Variants in ASB4 observed in about 807,000 individuals in gnomAD.
The protein encoded by ASB4 is ankyrin repeat and SOCS box containing 4.
A neutral mutation model predicts 38.6 loss-of-function variants in ASB4; 35 were observed. The ratio of observed to expected loss-of-function variants is 0.91; its 90% CI spans 0.69 to 1.20. ASB4 has a LOEUF of 1.20. Among genes scored for constraint, ASB4 ranks in the 50% most tolerant of loss-of-function variants. ASB4 has a pLI of 0.00. For missense variants in ASB4, 557 were observed against 527.2 expected, an observed-to-expected ratio of 1.06 and a Z score of -0.55; for synonymous variants, 195 against 201.3, an observed-to-expected ratio of 0.97 and a Z score of 0.26.
At chr7:95,526,950 CT>C (rs1790745190) in intron 2 of ASB4, among the ~76,000 whole-genome samples, 1 of 152,160 alleles carries the variant, frequency 6.6e-6, no homozygotes, top group South Asian at 2.1e-4. Context: ...ACAAAATTCA[CT>C]TAAGTTTTCT....
intron 2 of ASB4, 22 bp downstream of exon 2, chr7:95,496,079 A>G: frequency 3.1e-6 from 5 of 1,599,310 alleles, no homozygotes; most frequent in Middle Eastern, 2.0e-4. Context: ...TGGGTGGCCA[A>G]CATTGTTGTC....
intron 1 of ASB4, among the ~76,000 whole-genome samples, chr7:95,492,498 C>T (rs1283629697): frequency 2.6e-5 from 4 of 152,122 alleles, no homozygotes; most frequent in Non-Finnish European, 5.9e-5. Flanking sequence ...TTGAGGCAGG[C>T]AACTCATGGC....
chr7:95,537,595 C>G lies in ASB4; in HGVS notation c.1117C>G (p.Leu373Val), dbSNP rs188981125. ...LEKYWDFYHSLFTVCCNSPRT... is the reference protein window; with the variant it reads ...LEKYWDFYHSVFTVCCNSPRT... ...GAAATACTGGGATTTTTACCACTCT[C>G]TCTTTACTGTGTGCTGTAACTCTCC... Residue 373 changes from leucine (L) to valine (V), a missense_variant, in exon 5 of 5, where the codon CTC (leucine) becomes GTC (valine). Transcript: ENST00000325885. The G allele has an allele frequency of 6.2e-5, 99 of 1,608,994 alleles. 2 individuals carry two copies. The East Asian group carries it at 8.9e-4, about 15-fold the overall frequency.
chr7:95,491,214 C>T (rs1429251242), intron 1 of ASB4, among the ~76,000 whole-genome samples: 1 of 152,148 alleles, frequency 6.6e-6, no homozygotes, highest in Non-Finnish European at 1.5e-5. Context: ...TTTGGGAGTT[C>T]CTGTGGGTTT....
chr7:95,506,671 T>C (rs957947146), intron 2 of ASB4, among the ~76,000 whole-genome samples: 4 of 149,208 alleles, frequency 2.7e-5, no homozygotes, highest in African/African-American at 9.9e-5. Flanking sequence ...TCTTCCTCTC[T>C]GGGGAATTTA....
the ASB4 span, among the ~76,000 whole-genome samples, chr7:95,471,575 T>G: frequency 1.3e-5 from 2 of 152,218 alleles, no homozygotes; most frequent in Non-Finnish European, 2.9e-5. Context: ...GTCAGTGTAC[T>G]TCTGTGACAG....
chr7:95,506,186 T>C (rs923094436), intron 2 of ASB4, among the ~76,000 whole-genome samples: 3 of 152,206 alleles, frequency 2.0e-5, no homozygotes, highest in African/African-American at 7.2e-5. Flanking sequence ...GTGTGAGGCA[T>C]TGTACCTGGT....
intron 2 of ASB4, among the ~76,000 whole-genome samples, chr7:95,496,786 T>C (rs1367063134): frequency 2.0e-5 from 3 of 152,188 alleles, no homozygotes; most frequent in Non-Finnish European, 4.4e-5. Context: ...AGGTCAAGGC[T>C]GCAGTGACTT....
chr7:95,511,272 G>T (rs1790477085), intron 2 of ASB4, among the ~76,000 whole-genome samples: 2 of 152,046 alleles, frequency 1.3e-5, no homozygotes, highest in Admixed American at 1.3e-4. Flanking sequence ...CCACCAAGAA[G>T]TGAACGCTGC....
intron 2 of ASB4, among the ~76,000 whole-genome samples, chr7:95,507,847 C>A (rs986986379): frequency 1.3e-5 from 2 of 151,956 alleles, no homozygotes; most frequent in Non-Finnish European, 2.9e-5. Context: ...ACGGAGAGAT[C>A]CAGTAAGTTG....
At chr7:95,513,292 A>AGTGTGTGT (rs1344044231) in intron 2 of ASB4, among the ~76,000 whole-genome samples, 1 of 11,320 alleles carries the variant, frequency 8.8e-5, no homozygotes, top group Non-Finnish European at 1.8e-4. Context: ...GAGCCAATAG[A>AGTGTGTGT]ATGTGTGTGT....
At chr7:95,494,770 A>G (rs1790220965) in intron 1 of ASB4, among the ~76,000 whole-genome samples, 1 of 152,212 alleles carries the variant, frequency 6.6e-6, no homozygotes, top group Non-Finnish European at 1.5e-5. Flanking sequence ...TTGCAGATTT[A>G]TAGAAAAAAG....
At chr7:95,532,772 G>A (rs772176277) in intron 3 of ASB4, among the ~76,000 whole-genome samples, 2 of 152,062 alleles carry the variant, frequency 1.3e-5, no homozygotes, top group Non-Finnish European at 2.9e-5. Context: ...GGTGAGATGA[G>A]GTGTCTAAAT....
chr7:95,475,195 T>G (rs1789964512), upstream of ASB4, among the ~76,000 whole-genome samples: 1 of 152,144 alleles, frequency 6.6e-6, no homozygotes, highest in Non-Finnish European at 1.5e-5. Context: ...ATTTGAGAAG[T>G]GCTGTCATAA....
chr7:95,522,453 T>G (rs1236352789), intron 2 of ASB4, among the ~76,000 whole-genome samples: 1 of 152,202 alleles, frequency 6.6e-6, no homozygotes, highest in Non-Finnish European at 1.5e-5. Context: ...ATTAACATAT[T>G]GAATTTCACA....
At chr7:95,485,822 A>T, upstream of ASB4, 1 of 598,470 alleles carries the variant, frequency 1.7e-6, no homozygotes, top group Non-Finnish European at 2.8e-6. Flanking sequence ...GATATTTTGA[A>T]GTTTGAAATG....
At chr7:95,535,295 G>A (rs559050233) in intron 3 of ASB4, among the ~76,000 whole-genome samples, 5 of 152,286 alleles carry the variant, frequency 3.3e-5, no homozygotes, top group East Asian at 3.9e-4. Context: ...AGGTTGATAC[G>A]GTCTGGGAAA....
chr7:95,475,443 G>C (rs1422901319), upstream of ASB4, among the ~76,000 whole-genome samples: 1 of 152,090 alleles, frequency 6.6e-6, no homozygotes, highest in East Asian at 1.9e-4. Flanking sequence ...GAGTGCAGTG[G>C]CTCAATCTTG....
intron 2 of ASB4, among the ~76,000 whole-genome samples, chr7:95,525,009 T>C (rs1184453495): frequency 6.6e-6 from 1 of 152,206 alleles, no homozygotes; most frequent in East Asian, 1.9e-4. Flanking sequence ...CCCTTCAAAG[T>C]GTCTGCGTGC....
Sources: allele counts gnomAD v4.1 joint callset (sites outside exome capture counted in the v4.1 genomes callset), GRCh38; gene constraint gnomAD v4.1.1; transcripts MANE v1.5; gene names NCBI Gene and HGNC (gene_info 2026-07-23, HGNC 2026-07-21).